SPINK2: variants seen among roughly 807,000 people sequenced by gnomAD.
SPINK2 encodes serine peptidase inhibitor Kazal type 2, also known as serine protease inhibitor Kazal-type 2.
A neutral mutation model predicts 13.5 loss-of-function variants in SPINK2; 8 were observed. The ratio of observed to expected loss-of-function variants is 0.59; its 90% CI spans 0.35 to 1.07. The LOEUF (loss-of-function observed/expected upper bound fraction) is 1.07. Ranked by LOEUF, SPINK2 falls within the 50% of genes least tolerant of loss-of-function variation. The pLI is 0.02. For synonymous variants in SPINK2, 76 were observed against 74.7 expected, an observed-to-expected ratio of 1.02 and a Z score of -0.09; for missense variants, 148 against 180.3, an observed-to-expected ratio of 0.82 and a Z score of 1.03.
chr4:56,819,582 C>A (rs537960419), intron 2 of SPINK2, among the ~76,000 whole-genome samples: 1 of 151,374 alleles, frequency 6.6e-6, no homozygotes, highest in South Asian at 2.1e-4. Flanking sequence ...ACCCCTTTAA[C>A]AATCAGCCCA....
intron 2 of SPINK2, among the ~76,000 whole-genome samples, chr4:56,813,847 G>GACCTCAGGTGATCTGCCC (rs1471214240): frequency 6.6e-6 from 1 of 150,994 alleles, no homozygotes; most frequent in African/African-American, 2.4e-5. Context: ...TCAAACTTCT[G>GACCTCAGGTGATCTGCCC]ACCTCAGGTG....
chr4:56,821,409 G>A (rs866593201), intron 1 of SPINK2, 49 bp downstream of exon 1: 2 of 1,464,280 alleles, frequency 1.4e-6, no homozygotes, highest in Non-Finnish European at 1.8e-6. Context: ...AAAGAGGGTG[G>A]CTGACTCCAC....
Position 56,821,694 on chromosome 4 carries a change from G to C in SPINK2, c.-32C>G, listed in dbSNP as rs201479082. 6.7e-7 allele frequency: 1 copy of C among 1,482,496 alleles called. No individual in the cohort carries two copies. Among genetic ancestry groups the C allele is most frequent in the African/African-American group, 1.4e-5 (1 of 69,068 alleles). 91.8% of individuals were successfully genotyped at this position (1,482,496 alleles called of 1,614,324 possible). On this transcript the variant is annotated 5_prime_UTR_variant, in exon 1 of 4. Transcript: ENST00000506738. ...CCCGCGCCGGCTGTCTTGCCCCTGC[G>C]GTCTGTTACCTGCGCCACTCGCAGG...
upstream of SPINK2, chr4:56,821,765 G>GGGAAGGGGGGGGGGAAGGGCCGGA: frequency 8.2e-7 from 1 of 1,218,522 alleles, no homozygotes. Context: ...GAAGGGGCGG[G>GGGAAGGGGGGGGGGAAGGGCCGGA]GCGAGAATGG....
intron 2 of SPINK2, among the ~76,000 whole-genome samples, chr4:56,815,158 C>T (rs1717333524): frequency 6.6e-6 from 1 of 151,716 alleles, no homozygotes; most frequent in South Asian, 2.1e-4. Context: ...CTTCCTCAAC[C>T]TTATAAAAGG....
In SPINK2 at chr4:56,817,590, C is replaced by A. The variant is rs535059660; in HGVS notation, c.249+2946G>T. Among the ~76,000 whole-genome samples the A allele has an allele frequency of 1.1e-3, 167 of 151,904 alleles. 2 individuals carry two copies. In the Middle Eastern group the frequency reaches 0.014, roughly 12 times the overall value. The stretch of plus-strand genomic sequence containing the variant: ...ATCAGGCCGGGTGCGGTGGTTCACG[C>A]TTGTAATCCCAGCACTTTGGGAGGC... On this transcript the variant is annotated intron_variant, in intron 2 of 3. Transcript: ENST00000506738.
At chr4:56,820,633 T>A in intron 1 of SPINK2, 54 bp from the exon 2 acceptor site, 1 of 1,462,472 alleles carries the variant, frequency 6.8e-7, no homozygotes, top group South Asian at 1.2e-5. Context: ...TAAGGTATTG[T>A]TCATGAAGTT....
intron 2 of SPINK2, among the ~76,000 whole-genome samples, chr4:56,812,192 C>CA (rs1049273811): frequency 1.3e-5 from 2 of 148,242 alleles, no homozygotes; most frequent in Non-Finnish European, 1.5e-5. Flanking sequence ...CTGCGCCTGG[C>CA]AAAAAAAAAT....
At chr4:56,810,699 T>C (rs954522359) in intron 3 of SPINK2, 2 of 152,068 alleles carry the variant, frequency 1.3e-5, no homozygotes, top group African/African-American at 4.8e-5. Context: ...ATACAAAAAT[T>C]AGCCAGGTGT....
At chr4:56,818,241 T>C (rs1233769253) in intron 2 of SPINK2, 2 of 152,128 alleles carry the variant, frequency 1.3e-5, no homozygotes, top group East Asian at 1.9e-4. Context: ...AGCGAAGCAG[T>C]GGAATAGAAA....
At position 56,814,097 on chromosome 4, in the gene SPINK2, T is replaced by C. The variant is rs190160698; in HGVS notation, c.250-2303A>G. On this transcript the variant is annotated intron_variant, in intron 2 of 3. Transcript: ENST00000506738. Reference sequence around the variant, plus strand: ...CACCACCACGCCCGGCTAATTTTTGTATTTTTAGTAGAGACCGGCTTTCAC... The same window carrying C: ...CACCACCACGCCCGGCTAATTTTTGCATTTTTAGTAGAGACCGGCTTTCAC... Among the ~76,000 whole-genome samples the C allele has an allele frequency of 7.2e-4, 109 of 151,884 alleles. 1 individual carries two copies. The East Asian group carries it at 0.02, about 28-fold the overall frequency.
At chr4:56,819,032 C>A (rs1717702595) in intron 2 of SPINK2, among the ~76,000 whole-genome samples, 2 of 152,134 alleles carry the variant, frequency 1.3e-5, no homozygotes. Context: ...AGAAGCATAG[C>A]TCCACCACTT....
At chr4:56,815,785 C>CACACAT (rs1717396644) in intron 2 of SPINK2, among the ~76,000 whole-genome samples, 1 of 144,334 alleles carries the variant, frequency 6.9e-6, no homozygotes, top group Non-Finnish European at 1.5e-5. Flanking sequence ...CACACACACA[C>CACACAT]ACACACACAC....
At position 56,819,288 on chromosome 4, in the gene SPINK2, C is replaced by T. The variant is rs114316888; in HGVS notation, c.249+1248G>A. ...GCGTGGGAAGGCTTCCTGGAAGAAG[C>T]CTACTCTGAGCTGAATGCTCAAAGT... is the stretch of plus-strand genomic sequence containing the variant. On this transcript the variant is annotated intron_variant, in intron 2 of 3. Transcript: ENST00000506738. Among the ~76,000 whole-genome samples, 1,107 of 152,228 alleles carry T rather than the reference C, an allele frequency of 7.3e-3. 21 individuals are homozygous for T. The highest frequency in any genetic ancestry group is 0.024 in the African/African-American group (1,013 of 41,528).
At chr4:56,814,625 A>C (rs1578429860) in intron 2 of SPINK2, among the ~76,000 whole-genome samples, 1 of 151,928 alleles carries the variant, frequency 6.6e-6, no homozygotes, top group East Asian at 1.9e-4. Context: ...ATTGGAGTTA[A>C]CAGTTTAAAG....
At chr4:56,818,913 G>A (rs776611863) in intron 2 of SPINK2, among the ~76,000 whole-genome samples, 1 of 152,170 alleles carries the variant, frequency 6.6e-6, no homozygotes, top group South Asian at 2.1e-4. Flanking sequence ...CATTATACCT[G>A]ACAACATGCA....
intron 2 of SPINK2, among the ~76,000 whole-genome samples, 167 bp from the exon 3 acceptor site, chr4:56,811,961 C>CA (rs1196717169): frequency 8.3e-6 from 1 of 120,118 alleles, no homozygotes; most frequent in Non-Finnish European, 1.6e-5. Context: ...TTTTTTGAGA[C>CA]AGAGTCTCGC....
At chr4:56,818,809 A>G (rs1717677719) in intron 2 of SPINK2, among the ~76,000 whole-genome samples, 1 of 152,248 alleles carries the variant, frequency 6.6e-6, no homozygotes, top group Non-Finnish European at 1.5e-5. Context: ...ATTTTCTAAA[A>G]GAAAATCAAA....
chr4:56,820,683 C>G, intron 1 of SPINK2, 104 bp from the exon 2 acceptor site: 1 of 964,554 alleles, frequency 1.0e-6, no homozygotes, highest in Non-Finnish European at 1.6e-6. Context: ...GTTGCCCAGG[C>G]TGGTCTTGAC....
Sources: allele counts gnomAD v4.1 joint callset (sites outside exome capture counted in the v4.1 genomes callset), GRCh38; gene constraint gnomAD v4.1.1; transcripts MANE v1.5; gene names NCBI Gene and HGNC (gene_info 2026-07-23, HGNC 2026-07-21).